The following DYTN variants were observed in gnomAD, a reference collection of about 807,000 sequenced individuals.
The protein encoded by DYTN is dystrotelin.
DYTN carries 75 observed loss-of-function variants against 69.6 expected under a neutral mutation model. The observed-to-expected ratio is 1.08, with a 90% CI of 0.89 to 1.31. The LOEUF (loss-of-function observed/expected upper bound fraction) is 1.31. Ranked by LOEUF, DYTN falls within the 50% of genes most tolerant of loss-of-function variation. DYTN has a pLI of 0.00. For synonymous variants in DYTN, 252 were observed against 249.1 expected (o/e 1.01, Z -0.11); for missense variants, 726 against 688.4 (o/e 1.05, Z -0.61).
intron 9 of DYTN, among the ~76,000 whole-genome samples, chr2:206,680,246 A>G (rs1205977918): frequency 6.6e-6 from 1 of 152,108 alleles, no homozygotes; most frequent in Non-Finnish European, 1.5e-5. Context: ...TGCCCTTTAT[A>G]AAACCATCAG....
At position 206,699,770 on chromosome 2, in the gene DYTN, C is replaced by G; in HGVS notation, c.676G>C (p.Ala226Pro). The change falls in exon 7 of 12, where the codon GCT becomes CCT. Residue 226 changes from alanine (A) to proline (P), a missense_variant. Coordinates refer to ENST00000452335, the MANE Select transcript of DYTN (RefSeq NM_001093730.1). ...AAAGTCCTGCAGAGAGTGCACCGAGCAGGGTGAGTGACCCTTTCAGCAGCT... is the reference window on the plus strand; with the variant it reads ...AAAGTCCTGCAGAGAGTGCACCGAGGAGGGTGAGTGACCCTTTCAGCAGCT... The part of the protein sequence containing the change: ...LSAAERVTHP[A>P]RCTLCRTFPI... 4 of 1,613,784 alleles carry G rather than the reference C, an allele frequency of 2.5e-6. No individual in the cohort carries two copies. The highest frequency in any genetic ancestry group is 3.4e-6 in the Non-Finnish European group (4 of 1,179,802).
chr2:206,652,297 A>G (rs149880473), intron 11 of DYTN, among the ~76,000 whole-genome samples: 2 of 152,126 alleles, frequency 1.3e-5, no homozygotes, highest in Non-Finnish European at 2.9e-5. Flanking sequence ...GAGCCTGAGC[A>G]TTTATATTTA....
At chr2:206,675,238 T>C (rs1218577884) in intron 9 of DYTN, among the ~76,000 whole-genome samples, 1 of 146,480 alleles carries the variant, frequency 6.8e-6, no homozygotes, top group African/African-American at 2.5e-5. Context: ...TATATGTATA[T>C]ATGTAAATAA....
At position 206,665,892 on chromosome 2, in the gene DYTN, T is replaced by C. The variant is rs201745628; in HGVS notation, c.1118A>G (p.Gln373Arg). ...TNQDSLWTKL[Q>R]QIRRDLQARL... ...TACCTGTAGGTCCCGTCTTATCTGT[T>C]GTAGCTTGGTCCATAGACTATCCTG... Residue 373 changes from glutamine to arginine, a missense_variant, in exon 10 of 12, where the codon CAA (glutamine) becomes CGA (arginine). Physicochemically the swap from Gln to Arg is conservative, Grantham distance 43. Coordinates refer to ENST00000452335, the MANE Select transcript of DYTN (RefSeq NM_001093730.1). The C allele has an allele frequency of 3.1e-6, 5 of 1,613,932 alleles. No individual in the cohort carries two copies. The highest frequency in any genetic ancestry group is 2.7e-5 in the African/African-American group (2 of 75,056).
intron 9 of DYTN, 33 bp downstream of exon 9, chr2:206,693,142 C>T (rs888109480): frequency 6.3e-7 from 1 of 1,579,122 alleles, no homozygotes; most frequent in East Asian, 2.3e-5. Flanking sequence ...GGTGGCTGCT[C>T]TGTGGGATCA....
Position 206,654,927 on chromosome 2 carries a change from C to G in DYTN, c.1634-3006G>C, listed in dbSNP as rs140856994. Among the ~76,000 whole-genome samples the G allele has an allele frequency of 1.5e-3, 230 of 152,260 alleles. 9 individuals are homozygous for G. In the East Asian group the frequency reaches 0.037, roughly 25 times the overall value. On this transcript the variant is annotated intron_variant, in intron 11 of 11. Transcript: ENST00000452335. ...GATCATGGCATATGCAAATAGAGATCTTTTTACTTGTTCCTTTCTGATTGG... is the reference window on the plus strand; with the variant it reads ...GATCATGGCATATGCAAATAGAGATGTTTTTACTTGTTCCTTTCTGATTGG...
chr2:206,693,616 G>A (rs893401943), intron 8 of DYTN, among the ~76,000 whole-genome samples: 1 of 152,266 alleles, frequency 6.6e-6, no homozygotes, highest in African/African-American at 2.4e-5. Context: ...CTAAGCCTGT[G>A]GTTGCTCACA....
In DYTN at chr2:206,710,559, G is replaced by T. The variant is rs1469490272; in HGVS notation, c.59C>A (p.Ala20Asp). The part of the protein sequence containing the change: ...NSIENSIYRT[A>D]FKLQSVQTLC... The stretch of plus-strand genomic sequence containing the variant: ...AGTTTGCACTGATTGTAATTTGAAG[G>T]CTGTTCTATAAATGGAATTCTCAAT... The change falls in exon 2 of 12, where the codon GCC (alanine) becomes GAC (aspartate). Residue 20 changes from alanine (A) to aspartate (D), a missense_variant. Coordinates refer to ENST00000452335, the MANE Select transcript of DYTN (RefSeq NM_001093730.1). 1 of 1,611,970 alleles carries T rather than the reference G, an allele frequency of 6.2e-7. No individual in the cohort carries two copies. The highest frequency in any genetic ancestry group is 1.3e-5 in the African/African-American group (1 of 75,004).
At chr2:206,658,216 T>A (rs908531195) in intron 11 of DYTN, among the ~76,000 whole-genome samples, 24 of 152,118 alleles carry the variant, frequency 1.6e-4, no homozygotes, top group Admixed American at 3.9e-4. Flanking sequence ...AATTTCTCTA[T>A]CTCTTTGTTG....
intron 11 of DYTN, among the ~76,000 whole-genome samples, chr2:206,658,282 G>C (rs773469401): frequency 6.6e-6 from 1 of 151,698 alleles, no homozygotes; most frequent in Admixed American, 6.6e-5. Flanking sequence ...TTTTTATGAT[G>C]GTTATTTTCA....
intron 11 of DYTN, 139 bp from the exon 12 acceptor site, chr2:206,652,060 A>G (rs1435944780): frequency 1.4e-6 from 1 of 690,534 alleles, no homozygotes; most frequent in Non-Finnish European, 2.4e-6. Context: ...TAAGTTAGCC[A>G]GCAAATAAGA....
intron 11 of DYTN, among the ~76,000 whole-genome samples, 169 bp from the exon 12 acceptor site, chr2:206,652,090 T>C (rs557114727): frequency 6.6e-6 from 1 of 152,180 alleles, no homozygotes; most frequent in Non-Finnish European, 1.5e-5. Flanking sequence ...TTTACCACGA[T>C]CATTACTACG....
chr2:206,700,164 G>C lies in DYTN; in HGVS notation c.536C>G (p.Thr179Ser), dbSNP rs372828749. Residue 179 changes from threonine to serine, a missense_variant, in exon 6 of 12, where the codon ACC becomes AGC. Coordinates refer to ENST00000452335, the MANE Select transcript of DYTN (RefSeq NM_001093730.1). ...ACTCACCCCTTGGAAACAGCTGCGG[G>C]TGGCACTTTCCACAGGGCACAGAGC... ...SRALCPVESATRSCFQGVLSP... is the reference protein window; with the variant it reads ...SRALCPVESASRSCFQGVLSP... The C allele has an allele frequency of 6.2e-7, 1 of 1,613,904 alleles. No homozygotes were observed.
At chr2:206,711,400 G>A (rs979443941) in intron 1 of DYTN, among the ~76,000 whole-genome samples, 1 of 152,114 alleles carries the variant, frequency 6.6e-6, no homozygotes, top group Non-Finnish European at 1.5e-5. Flanking sequence ...ACTTAGTTCT[G>A]TTCCTTCCTT....
intron 10 of DYTN, 120 bp downstream of exon 10, chr2:206,665,750 G>A: frequency 8.2e-7 from 1 of 1,223,954 alleles, no homozygotes; most frequent in Admixed American, 2.7e-5. Context: ...TCAGGGTACG[G>A]GGAGAAGAGG....
intron 9 of DYTN, among the ~76,000 whole-genome samples, chr2:206,669,884 A>G (rs967502332): frequency 2.0e-5 from 3 of 152,234 alleles, no homozygotes; most frequent in African/African-American, 7.2e-5. Flanking sequence ...ATTAGGAAGC[A>G]TATCTCATCA....
At chr2:206,694,351 G>C (rs953595720) in intron 8 of DYTN, among the ~76,000 whole-genome samples, 2 of 152,010 alleles carry the variant, frequency 1.3e-5, no homozygotes, top group African/African-American at 4.8e-5. Flanking sequence ...TTAGGGTTCA[G>C]GAAAAGACAT....
At chr2:206,664,914 C>T (rs374541680) in intron 10 of DYTN, among the ~76,000 whole-genome samples, 24 of 152,202 alleles carry the variant, frequency 1.6e-4, no homozygotes, top group Non-Finnish European at 3.2e-4. Context: ...CACAATCATG[C>T]GTGGCTAAGA....
chr2:206,704,791 T>C, intron 5 of DYTN, 52 bp downstream of exon 5: 2 of 1,468,434 alleles, frequency 1.4e-6, no homozygotes, highest in Non-Finnish European at 1.9e-6. Flanking sequence ...TAATAATAAA[T>C]GTGGCAAATT....
Sources: gnomAD v4.1 joint callset for allele counts (sites outside exome capture counted in the v4.1 genomes callset) on GRCh38, gnomAD v4.1.1 for gene constraint, MANE v1.5 for transcripts, NCBI Gene and HGNC (gene_info 2026-07-23, HGNC 2026-07-21) for gene names.